The following ABCC8 variants were observed in gnomAD, a reference collection of about 807,000 sequenced individuals.
The protein encoded by ABCC8 is ATP binding cassette subfamily C member 8, also known as ATP-binding cassette sub-family C member 8.
Under a neutral mutation model 188.0 loss-of-function variants are expected in ABCC8, and 137 were observed. The observed-to-expected ratio is 0.73, with a 90% CI of 0.63 to 0.84. The LOEUF (loss-of-function observed/expected upper bound fraction) is 0.84, where lower values mean the gene tolerates loss of function less well. ABCC8 is among the 40% of genes least tolerant of loss of function. The pLI, the probability that ABCC8 is intolerant of heterozygous loss-of-function variation, is 0.00. For missense variants in ABCC8, 1,750 were observed against 2,072.7 expected, an observed-to-expected ratio of 0.84 and a Z score of 3.02; for synonymous variants, 797 against 846.5, an observed-to-expected ratio of 0.94 and a Z score of 1.01.
rs773168707 is a variant in ABCC8, at chr11:17,428,386, C to T, written c.1943G>A (p.Arg648His). The change falls in exon 14 of 39, where the codon CGC becomes CAC. Residue 648 changes from arginine to histidine, a missense_variant. Coordinates refer to ENST00000389817, the MANE Select transcript of ABCC8 (RefSeq NM_000352.6). ...ACAATCCTCCCGGGCTGGACGCTTG[C>T]GGTTCACAACCCTGAGGGGCTGGGG... ...YQAVPLRVVN[R>H]KRPAREDCRG... 2.2e-5 allele frequency: 36 copies of T among 1,613,626 alleles called. No homozygotes were observed. The highest frequency in any genetic ancestry group is 4.5e-5 in the East Asian group (2 of 44,868).
In ABCC8 at chr11:17,396,930, C is replaced by T. The variant is rs757110; in HGVS notation, c.4105G>A (p.Ala1369Thr). The T allele has an allele frequency of 3.1e-6, 5 of 1,613,842 alleles. No individual in the cohort carries two copies. The highest frequency in any genetic ancestry group is 1.1e-5 in the South Asian group (1 of 91,078). Residue 1369 changes from alanine to threonine, a missense_variant, in exon 33 of 39, where the codon GCC becomes ACC. Physicochemically the swap from Ala to Thr is moderately conservative, Grantham distance 58. Coordinates refer to ENST00000389817, the MANE Select transcript of ABCC8 (RefSeq NM_000352.6). Reference protein sequence around the residue: ...PVLKHVNALIAPGQKIGICGR... With the variant: ...PVLKHVNALITPGQKIGICGR... ...CGTGCTCTGACCTTCTGTCCAGGGG[C>T]GATGAGGGCATTGACGTGCTTCAGC...
intron 30 of ABCC8, 55 bp from the exon 31 acceptor site, chr11:17,397,852 T>G: frequency 1.2e-6 from 2 of 1,602,696 alleles, no homozygotes; most frequent in Non-Finnish European, 1.7e-6. Context: ...CACAGGCCCC[T>G]GTTCTACCTC....
rs143711274 is a variant in ABCC8 at position 17,419,470 on chromosome 11, C to T, written c.2223-2508G>A. Among the ~76,000 whole-genome samples the T allele has an allele frequency of 5.9e-5, 9 of 152,272 alleles. No homozygotes were observed. The East Asian group carries it at 1.3e-3, about 23-fold the overall frequency. On this transcript the variant is annotated intron_variant, in intron 16 of 38. Coordinates refer to ENST00000389817, the MANE Select transcript of ABCC8 (RefSeq NM_000352.6). ...TCAAAAGAAAAGTAGGACAAAGTAT[C>T]GGAGAACTTTTGGGGAAAAGTAAAC...
chr11:17,427,258 T>C lies in ABCC8; in HGVS notation c.2117-104A>G, dbSNP rs1234672864. On this transcript the variant is annotated intron_variant, in intron 15 of 38. Transcript: ENST00000389817. The surrounding 1 kb of genome is among the most constrained non-coding windows in gnomAD (Gnocchi z 5.0). Reference sequence around the variant, plus strand: ...GATGCACCCAACCCTGGGGCCCCTGTTTTCTTTCTTCCTACCTAGAATCCC... The same window carrying C: ...GATGCACCCAACCCTGGGGCCCCTGCTTTCTTTCTTCCTACCTAGAATCCC... 2 of 1,378,634 alleles carry C rather than the reference T, an allele frequency of 1.5e-6. No individual in the cohort carries two copies. Among genetic ancestry groups the C allele is most frequent in the Non-Finnish European group, 1.9e-6 (2 of 1,067,962 alleles). 85.4% of individuals were successfully genotyped at this position (1,378,634 alleles called of 1,614,324 possible).
At chr11:17,466,398 CAAA>C (rs747797902) in intron 3 of ABCC8, among the ~76,000 whole-genome samples, 1 of 49,842 alleles carries the variant, frequency 2.0e-5, no homozygotes, top group Non-Finnish European at 4.2e-5. Context: ...GACTCCATCT[CAAA>C]AAAAAAAAAA....
chr11:17,404,367 A>T lies in ABCC8; in HGVS notation c.3557+145T>A. 2.5e-6 allele frequency: 2 copies of T among 806,048 alleles called. No individual in the cohort carries two copies. The highest frequency in any genetic ancestry group is 4.3e-6 in the Non-Finnish European group (2 of 464,078). The allele number at this position is 806,048 out of a possible 1,614,324, so 49.9% of individuals were successfully genotyped here. On this transcript the variant is annotated intron_variant, in intron 28 of 38. Coordinates refer to ENST00000389817, the MANE Select transcript of ABCC8 (RefSeq NM_000352.6). The surrounding 1 kb of genome is among the most constrained non-coding windows in gnomAD (Gnocchi z 4.7). ...ATTAGGGCGGTGGAATAAGATGTGG[A>T]TATTTCTATTTCCTTCATTTCTGTT...
At chr11:17,430,702 A>G in intron 12 of ABCC8, 112 bp downstream of exon 12, 1 of 1,256,894 alleles carries the variant, frequency 8.0e-7, no homozygotes, top group African/African-American at 1.5e-5. Flanking sequence ...AGGCCCAGCA[A>G]TGGGGGTGTG....
chr11:17,415,004 C>T (rs898875443), intron 18 of ABCC8, among the ~76,000 whole-genome samples: 66 of 141,818 alleles, frequency 4.7e-4, no homozygotes, highest in African/African-American at 1.6e-3. Context: ...AATGGAAGAA[C>T]TTTTTTTTTT....
chr11:17,429,764 A>T (rs1591801815), intron 12 of ABCC8: 1 of 152,082 alleles, frequency 6.6e-6, no homozygotes, highest in South Asian at 2.1e-4. Context: ...ACCCCACAAC[A>T]CCCTGGTCAA....
intron 23 of ABCC8, 83 bp from the exon 24 acceptor site, chr11:17,407,536 G>T: frequency 6.3e-7 from 1 of 1,594,336 alleles, no homozygotes; most frequent in South Asian, 1.1e-5. Flanking sequence ...AACTACTCTG[G>T]TGATGACCAA....
intron 21 of ABCC8, 144 bp downstream of exon 21, chr11:17,412,519 GGAT>G: frequency 2.5e-6 from 3 of 1,191,820 alleles, no homozygotes; most frequent in African/African-American, 3.0e-5. Context: ...CCTATCACTA[GGAT>G]GATAAGGCAA....
chr11:17,436,626 A>T (rs1956107941), intron 10 of ABCC8, among the ~76,000 whole-genome samples: 1 of 152,244 alleles, frequency 6.6e-6, no homozygotes, highest in Non-Finnish European at 1.5e-5. Flanking sequence ...AAATAATGGC[A>T]AGTGGATTAT....
intron 23 of ABCC8, 173 bp from the exon 24 acceptor site, chr11:17,407,626 CT>C: frequency 4.0e-6 from 3 of 741,540 alleles, no homozygotes; most frequent in Non-Finnish European, 4.9e-6. Flanking sequence ...AGTCCTTCCC[CT>C]TCATCAGATA....
chr11:17,397,777 C>T lies in ABCC8; in HGVS notation c.3774G>A (p.Val1258=), dbSNP rs772221259. 1 of 1,613,856 alleles carries T rather than the reference C, an allele frequency of 6.2e-7. No individual in the cohort carries two copies. The highest frequency in any genetic ancestry group is 1.7e-5 in the Admixed American group (1 of 60,026). Residue 1258 remains valine (V), a synonymous_variant, in exon 31 of 39, where the codon GTG becomes GTA. Coordinates refer to ENST00000389817, the MANE Select transcript of ABCC8 (RefSeq NM_000352.6). ...EVRMEYIGAC[V]VLIAAVTSIS... ...TGGAGGTCACCGCTGCGATGAGCAC[C>T]ACACATGCACCGATGTACTCCTGGG... is the stretch of plus-strand genomic sequence containing the variant.
At chr11:17,410,882 C>T (rs1213038417) in intron 21 of ABCC8, among the ~76,000 whole-genome samples, 1 of 152,192 alleles carries the variant, frequency 6.6e-6, no homozygotes, top group Non-Finnish European at 1.5e-5. Flanking sequence ...CACTTCACTG[C>T]CTGACTCCTG....
intron 16 of ABCC8, among the ~76,000 whole-genome samples, chr11:17,422,987 G>A (rs1304586785): frequency 6.6e-6 from 1 of 151,942 alleles, no homozygotes. Context: ...TCCGCAGTGA[G>A]CCTCCTCTCC....
intron 1 of ABCC8, among the ~76,000 whole-genome samples, chr11:17,475,261 C>G (rs762367971): frequency 1.3e-4 from 20 of 152,210 alleles, no homozygotes; most frequent in Non-Finnish European, 2.6e-4. Context: ...TCTGTTGCCT[C>G]TGCTGGAGTG....
chr11:17,396,742 A>T (rs1953948515), intron 33 of ABCC8, 174 bp downstream of exon 33: 1 of 774,404 alleles, frequency 1.3e-6, no homozygotes, highest in Non-Finnish European at 2.1e-6. Flanking sequence ...AGGCAATAGA[A>T]GGAGAGGAAA....
chr11:17,443,752 G>C (rs990781174), intron 8 of ABCC8, among the ~76,000 whole-genome samples: 1 of 152,232 alleles, frequency 6.6e-6, no homozygotes, highest in Non-Finnish European at 1.5e-5. Flanking sequence ...GAAAAAACCA[G>C]CCTGGGGTCC....
Sources: allele counts gnomAD v4.1 joint callset (sites outside exome capture counted in the v4.1 genomes callset), GRCh38; gene constraint gnomAD v4.1.1; non-coding constraint Gnocchi (gnomAD v3.1); transcripts MANE v1.5; gene names NCBI Gene and HGNC (gene_info 2026-07-23, HGNC 2026-07-21).